GANAB: variants seen among roughly 807,000 people sequenced by gnomAD.
The protein encoded by GANAB is neutral alpha-glucosidase AB.
A neutral mutation model predicts 129.9 loss-of-function variants in GANAB; 35 were observed. The ratio of observed to expected loss-of-function variants is 0.27; its 90% CI spans 0.21 to 0.36. GANAB has a LOEUF of 0.36. Ranked by LOEUF, GANAB falls within the 10% of genes least tolerant of loss-of-function variation. GANAB has a pLI of 1.00. For missense variants in GANAB, 939 were observed against 1,221.0 expected (o/e 0.77, Z 3.44); for synonymous variants, 482 against 451.8 (o/e 1.07, Z -0.85).
rs1943305823 is a variant in GANAB, at chr11:62,625,167, G to A, written c.*648C>T. The A allele has an allele frequency of 2.2e-6, 1 of 453,658 alleles. No homozygotes were observed. The highest frequency in any genetic ancestry group is 4.4e-6 in the Non-Finnish European group (1 of 226,390). The allele number at this position is 453,658 out of a possible 1,614,324, so 28.1% of individuals were successfully genotyped here. A position where few individuals can be genotyped will look rare whatever the true frequency, so the allele number is the denominator to read the frequency against. ...AACGTCTTTCTGCCGAGGGACAGAG[G>A]AGGTAGAACTGCCCCTCTAAGAATT... On this transcript the variant is annotated 3_prime_UTR_variant, in exon 24 of 24. Coordinates refer to ENST00000356638, the MANE Select transcript of GANAB (RefSeq NM_198334.3).
Position 62,639,421 on chromosome 11 carries a change from G to T in GANAB, c.190C>A (p.Leu64Met), listed in dbSNP as rs192317060. The T allele has an allele frequency of 6.2e-7, 1 of 1,613,698 alleles. No individual in the cohort carries two copies. The highest frequency in any genetic ancestry group is 1.3e-5 in the African/African-American group (1 of 74,964). Residue 64 changes from leucine (L) to methionine (M), a missense_variant, in exon 3 of 24, where the codon CTG becomes ATG. This residue lies in a region of GANAB where 321 missense variants were observed against 329.1 expected (regional missense o/e 0.98). Coordinates refer to ENST00000356638, the MANE Select transcript of GANAB (RefSeq NM_198334.3). Reference sequence around the variant, plus strand: ...TCAGGACCAAGCTGTAGAGAGTCCAGCAAGGCTCGGTATGGAGAGAGGCCT... The same window carrying T: ...TCAGGACCAAGCTGTAGAGAGTCCATCAAGGCTCGGTATGGAGAGAGGCCT... The part of the protein sequence containing the change: ...RPGLSPYRAL[L>M]DSLQLGPDSL...
intron 17 of GANAB, among the ~76,000 whole-genome samples, chr11:62,628,113 C>G (rs761189898): frequency 2.0e-5 from 3 of 151,234 alleles, no homozygotes; most frequent in Non-Finnish European, 4.4e-5. Flanking sequence ...AATTTTTGTA[C>G]TTGCAATTCC....
Position 62,631,269 on chromosome 11 carries a change from A to T in GANAB, c.997-86T>A. On this transcript the variant is annotated intron_variant, in intron 9 of 23. Coordinates refer to ENST00000356638, the MANE Select transcript of GANAB (RefSeq NM_198334.3). ...ACAAAAAGTAGCAATTTTCTCCCAG[A>T]GTCCACACAGAGCTGGCTCATGTAA... 7.0e-6 allele frequency: 9 copies of T among 1,277,170 alleles called. 1 individual carries two copies. Among genetic ancestry groups the T allele is most frequent in the Non-Finnish European group, 9.8e-6 (9 of 922,944 alleles). The allele number at this position is 1,277,170 out of a possible 1,614,324, so 79.1% of individuals were successfully genotyped here. A position where few individuals can be genotyped will look rare whatever the true frequency, so the allele number is the denominator to read the frequency against.
chr11:62,629,794 C>G lies in GANAB; in HGVS notation c.1737+20G>C. On this transcript the variant is annotated intron_variant, in intron 14 of 23. Coordinates refer to ENST00000356638, the MANE Select transcript of GANAB (RefSeq NM_198334.3). The stretch of plus-strand genomic sequence containing the variant: ...GCTGTTTTCCCTCTTTCCACCAACT[C>G]TCCTCTCTCAGGCCCTTACCACATA... 1 of 1,613,666 alleles carries G rather than the reference C, an allele frequency of 6.2e-7. No homozygotes were observed. Among genetic ancestry groups the G allele is most frequent in the Non-Finnish European group, 8.5e-7 (1 of 1,179,594 alleles).
In GANAB at chr11:62,642,345, T is replaced by C. The variant is rs138101625; in HGVS notation, c.39-2614A>G. Among the ~76,000 whole-genome samples the C allele has an allele frequency of 9.9e-3, 1,513 of 152,266 alleles. 26 individuals carry two copies. The highest frequency in any genetic ancestry group is 0.035 in the African/African-American group (1,444 of 41,564). Reference sequence around the variant, plus strand: ...GTTGGGATTATAGTGTCAGCCACTGTGCCCAGCCTGCCTGCAGTTTTTAAC... The same window carrying C: ...GTTGGGATTATAGTGTCAGCCACTGCGCCCAGCCTGCCTGCAGTTTTTAAC... On this transcript the variant is annotated intron_variant, in intron 1 of 23. Coordinates refer to ENST00000356638, the MANE Select transcript of GANAB (RefSeq NM_198334.3).
At chr11:62,628,366 T>C (rs1369603427) in intron 17 of GANAB, among the ~76,000 whole-genome samples, 2 of 151,852 alleles carry the variant, frequency 1.3e-5, no homozygotes, top group Non-Finnish European at 2.9e-5. Flanking sequence ...ACAGGCGCCA[T>C]GATGCCCAGC....
rs1020514995 is a variant in GANAB at position 62,644,797 on chromosome 11, T to C, written c.38+1765A>G. 1.1e-4 allele frequency among the ~76,000 whole-genome samples: 17 copies of C among 152,224 alleles called. 1 individual carries two copies. The highest frequency in any genetic ancestry group is 3.4e-3 in the Middle Eastern group (1 of 294). On this transcript the variant is annotated intron_variant, in intron 1 of 23. Transcript: ENST00000356638. Reference sequence around the variant, plus strand: ...GAGATTGCACCCCTGCACTCCATCCTAGGCAACAGAGCGAGACCCTGTTTC... The same window carrying C: ...GAGATTGCACCCCTGCACTCCATCCCAGGCAACAGAGCGAGACCCTGTTTC...
chr11:62,629,122 C>G (rs1395569453), intron 16 of GANAB, 72 bp downstream of exon 16: 5 of 1,533,120 alleles, frequency 3.3e-6, no homozygotes, highest in Non-Finnish European at 4.5e-6. Flanking sequence ...TTGCTTACAA[C>G]ACCTTGGTCC....
rs201409326 is a variant in GANAB, at chr11:62,630,543, G to A, written c.1387-38C>T. The A allele has an allele frequency of 1.4e-4, 223 of 1,613,750 alleles. 1 individual carries two copies. The highest frequency in any genetic ancestry group is 1.8e-4 in the Non-Finnish European group (212 of 1,179,820). ...AACAGGGGTGTTCAGGTCTCTTTAA[G>A]GCTAAACTATGCTTCAGCCCTACCC... is the stretch of plus-strand genomic sequence containing the variant. On this transcript the variant is annotated intron_variant, in intron 11 of 23. Transcript: ENST00000356638.
intron 16 of GANAB, 22 bp downstream of exon 16, chr11:62,629,172 C>T (rs376701084): frequency 5.0e-6 from 8 of 1,585,422 alleles, no homozygotes; most frequent in East Asian, 2.2e-5. Context: ...AAACCAAGAC[C>T]CCAAATTCCT....
At chr11:62,644,026 C>T (rs1174578876) in intron 1 of GANAB, among the ~76,000 whole-genome samples, 1 of 152,148 alleles carries the variant, frequency 6.6e-6, no homozygotes, top group African/African-American at 2.4e-5. Context: ...CTCACCGCAA[C>T]CTCTGCCTCG....
rs188085732 is a variant in GANAB, at chr11:62,634,550, G to A, written c.560+271C>T. 17 of 627,390 alleles carry A rather than the reference G, an allele frequency of 2.7e-5. No individual in the cohort carries two copies. In the East Asian group the frequency reaches 4.6e-4, roughly 17 times the overall value. The allele number at this position is 627,390 out of a possible 1,614,324, so 38.9% of individuals were successfully genotyped here. A position where few individuals can be genotyped will look rare whatever the true frequency, so the allele number is the denominator to read the frequency against. On this transcript the variant is annotated intron_variant, in intron 5 of 23. Transcript: ENST00000356638. ...ATAAATCTGGGAAATGTGATGATGT[G>A]AGAAGGGGAAGAAGGAGACACAGAC...
intron 5 of GANAB, among the ~76,000 whole-genome samples, chr11:62,634,121 A>G (rs1943823563): frequency 6.6e-6 from 1 of 152,190 alleles, no homozygotes; most frequent in African/African-American, 2.4e-5. Context: ...CCTGACTTTC[A>G]GTATCTCACC....
Position 62,638,968 on chromosome 11 carries a change from T to C in GANAB, c.380+15A>G, listed in dbSNP as rs146098557. 2,434 of 1,611,790 alleles carry C rather than the reference T, an allele frequency of 1.5e-3. 41 individuals are homozygous for C. In the African/African-American group the frequency reaches 0.03, roughly 20 times the overall value. ...AAGGGGCCACAGAAATGGATGTTTC[T>C]CAGGAAAAATTTACCGGGCTATTGG... is the stretch of plus-strand genomic sequence containing the variant. On this transcript the variant is annotated intron_variant, in intron 4 of 23. Coordinates refer to ENST00000356638, the MANE Select transcript of GANAB (RefSeq NM_198334.3).
intron 1 of GANAB, among the ~76,000 whole-genome samples, chr11:62,646,205 G>C (rs998733670): frequency 2.0e-5 from 3 of 152,214 alleles, no homozygotes; most frequent in Non-Finnish European, 2.9e-5. Context: ...AGGCCAGGCC[G>C]CATCTTTTCC....
At chr11:62,627,389 C>G (rs1179738533) in intron 17 of GANAB, 36 bp from the exon 18 acceptor site, 2 of 1,202,746 alleles carry the variant, frequency 1.7e-6, no homozygotes, top group Non-Finnish European at 2.5e-6. Flanking sequence ...GAAAACTTTT[C>G]AATTTTGGCA....
At chr11:62,626,802 C>G in intron 20 of GANAB, 58 bp downstream of exon 20, 2 of 1,398,604 alleles carry the variant, frequency 1.4e-6, no homozygotes, top group South Asian at 1.2e-5. Flanking sequence ...CACACATTCC[C>G]TCCCCTTCTG....
At chr11:62,644,020 C>T (rs1218708693) in intron 1 of GANAB, among the ~76,000 whole-genome samples, 3 of 152,184 alleles carry the variant, frequency 2.0e-5, no homozygotes, top group African/African-American at 7.2e-5. Context: ...TCTTGGCTCA[C>T]CGCAACCTCT....
In GANAB at chr11:62,629,228, G is replaced by A. The variant is rs371107233; in HGVS notation, c.1902C>T (p.Leu634=). ...AGGAAAGTCCCACCAGCCCCAAGCT[G>A]AGACACATAGGAATAGAGATCTTCA... ...DHLKISIPMC[L]SLGLVGLSFC... The change falls in exon 16 of 24, where the codon CTC becomes CTT. Residue 634 remains leucine, a synonymous_variant. Transcript: ENST00000356638. 17 of 1,613,230 alleles carry A rather than the reference G, an allele frequency of 1.1e-5. No homozygotes were observed. Among genetic ancestry groups the A allele is most frequent in the Non-Finnish European group, 1.4e-5 (17 of 1,179,408 alleles).
Sources: gnomAD v4.1 joint callset for allele counts (sites outside exome capture counted in the v4.1 genomes callset) on GRCh38, gnomAD v4.1.1 for gene constraint, gnomAD v4.1.1 regional missense constraint, MANE v1.5 for transcripts, NCBI Gene and HGNC (gene_info 2026-07-23, HGNC 2026-07-21) for gene names.